Variants in NTM observed in about 807,000 individuals in gnomAD.
NTM encodes IgLON family member 2.
A neutral mutation model predicts 42.1 loss-of-function variants in NTM; 13 were observed. That is an observed-to-expected ratio of 0.31 (90% CI 0.20 to 0.49). The LOEUF is 0.49. NTM is among the 20% of genes least tolerant of loss of function. The pLI, the probability that NTM is intolerant of heterozygous loss-of-function variation, is 0.99. For synonymous variants in NTM, 187 were observed against 179.2 expected (o/e 1.04, Z -0.35); for missense variants, 373 against 452.8 (o/e 0.82, Z 1.60).
At chr11:131,853,997 A>C (rs1451853851) in intron 1 of NTM, among the ~76,000 whole-genome samples, 1 of 152,254 alleles carries the variant, frequency 6.6e-6, no homozygotes, top group South Asian at 2.1e-4. Context: ...AATACAGATT[A>C]TACATTAGAA....
At chr11:131,377,509 A>G (rs1347755943) in intron 1 of NTM, among the ~76,000 whole-genome samples, 1 of 152,214 alleles carries the variant, frequency 6.6e-6, no homozygotes, top group Non-Finnish European at 1.5e-5. Context: ...GACCTGTGGG[A>G]GGGATTCAGA....
chr11:131,401,831 T>TATATATATATATATATACAC (rs1945237999), intron 1 of NTM, among the ~76,000 whole-genome samples: 2 of 94,034 alleles, frequency 2.1e-5, no homozygotes, highest in Non-Finnish European at 4.4e-5. Flanking sequence ...TATATATATA[T>TATATATATATATATATACAC]ATATATATAT....
At chr11:131,400,772 T>A (rs1286956638) in intron 1 of NTM, among the ~76,000 whole-genome samples, 1 of 152,212 alleles carries the variant, frequency 6.6e-6, no homozygotes, top group Non-Finnish European at 1.5e-5. Context: ...TATGCTTATG[T>A]GGACAATGTA....
intron 1 of NTM, among the ~76,000 whole-genome samples, chr11:131,438,448 A>G (rs556203767): frequency 6.6e-6 from 1 of 152,304 alleles, no homozygotes; most frequent in East Asian, 1.9e-4. Flanking sequence ...CTTTTCACAT[A>G]GTCCCATATT....
At chr11:131,635,155 T>C (rs1260191341) in intron 1 of NTM, among the ~76,000 whole-genome samples, 1 of 152,220 alleles carries the variant, frequency 6.6e-6, no homozygotes, top group African/African-American at 2.4e-5. Flanking sequence ...TGTAAACATT[T>C]CTCCCTAGAG....
At chr11:132,028,469 T>C (rs1449027909) in intron 2 of NTM, among the ~76,000 whole-genome samples, 1 of 152,176 alleles carries the variant, frequency 6.6e-6, no homozygotes, top group Admixed American at 6.5e-5. Context: ...TCCCTAGAAA[T>C]TTATTTTCAA....
chr11:131,925,573 A>G (rs1402243235), intron 2 of NTM, among the ~76,000 whole-genome samples: 1 of 151,670 alleles, frequency 6.6e-6, no homozygotes, highest in Non-Finnish European at 1.5e-5. Context: ...TTTTTGAGAG[A>G]CAGGGTTTCA....
chr11:132,222,440 G>A (rs1484032248), intron 4 of NTM, among the ~76,000 whole-genome samples: 2 of 152,174 alleles, frequency 1.3e-5, no homozygotes, highest in Non-Finnish European at 2.9e-5. Context: ...AGACTCCAGG[G>A]TATGTGTGTC....
At chr11:132,001,526 C>A (rs567172858) in intron 2 of NTM, among the ~76,000 whole-genome samples, 21 of 152,020 alleles carry the variant, frequency 1.4e-4, no homozygotes, top group Non-Finnish European at 2.8e-4. Context: ...AGCTTTCAAC[C>A]ATGGCAAAAG....
chr11:132,293,985 G>C (rs997366890), intron 4 of NTM, among the ~76,000 whole-genome samples: 15 of 152,142 alleles, frequency 9.9e-5, no homozygotes, highest in Admixed American at 6.5e-5. Flanking sequence ...AAGTCTCCTG[G>C]AGACGAGTGG....
At chr11:132,088,670 A>C (rs1339334587) in intron 2 of NTM, among the ~76,000 whole-genome samples, 1 of 152,150 alleles carries the variant, frequency 6.6e-6, no homozygotes, top group Non-Finnish European at 1.5e-5. Flanking sequence ...CCTTGGTCTG[A>C]GCCAGTCCAC....
intron 1 of NTM, among the ~76,000 whole-genome samples, chr11:131,371,511 G>T (rs1478885427): frequency 1.3e-5 from 2 of 152,018 alleles, no homozygotes; most frequent in Non-Finnish European, 2.9e-5. Context: ...GGGAGCCGGG[G>T]CTCTGAAATT....
chr11:131,801,990 T>G (rs1028582890), intron 1 of NTM, among the ~76,000 whole-genome samples: 1 of 147,688 alleles, frequency 6.8e-6, no homozygotes, highest in African/African-American at 2.5e-5. Context: ...TAGAGGGTAT[T>G]TCAGGGAGAC....
At chr11:132,140,190 T>G (rs960697560) in intron 2 of NTM, among the ~76,000 whole-genome samples, 3 of 152,214 alleles carry the variant, frequency 2.0e-5, no homozygotes, top group African/African-American at 7.2e-5. Flanking sequence ...GGGACATTCC[T>G]TGTAGCAGTC....
intron 1 of NTM, among the ~76,000 whole-genome samples, chr11:131,568,496 C>T (rs1287989234): frequency 6.6e-6 from 1 of 152,190 alleles, no homozygotes; most frequent in Non-Finnish European, 1.5e-5. Context: ...CTCCTAGTCT[C>T]ATATGACGTC....
intron 1 of NTM, among the ~76,000 whole-genome samples, chr11:131,603,708 T>G (rs2060681383): frequency 6.6e-6 from 1 of 152,238 alleles, no homozygotes; most frequent in African/African-American, 2.4e-5. Flanking sequence ...CACTCAGCAC[T>G]GGGCAACCGT....
At chr11:131,751,772 C>G (rs902761113) in intron 1 of NTM, among the ~76,000 whole-genome samples, 4 of 147,596 alleles carry the variant, frequency 2.7e-5, no homozygotes, top group South Asian at 4.4e-4. Context: ...CTCACCCCCC[C>G]CCAAAATATA....
In NTM at chr11:131,505,095, G is replaced by C. The variant is rs186262843; in HGVS notation, c.82+134207G>C. Among the ~76,000 whole-genome samples the C allele has an allele frequency of 5.4e-5, 7 of 130,128 alleles. No homozygotes were observed. In the East Asian group the frequency reaches 1.4e-3, roughly 26 times the overall value. 85.4% of individuals were successfully genotyped at this position (130,128 alleles called of 152,430 possible). On this transcript the variant is annotated intron_variant, in intron 1 of 8. Coordinates refer to ENST00000683400, the MANE Select transcript of NTM (RefSeq NM_001352005.2). ...AAACCTACCTTCTACTTGACCATTG[G>C]GAAGTCACGAATCTCTGAGTCATTC...
At chr11:132,045,619 G>A (rs1419221680) in intron 2 of NTM, among the ~76,000 whole-genome samples, 1 of 152,174 alleles carries the variant, frequency 6.6e-6, no homozygotes, top group Non-Finnish European at 1.5e-5. Context: ...AATCCAACCA[G>A]AAAGGTACGG....
Sources: allele counts gnomAD v4.1 joint callset (sites outside exome capture counted in the v4.1 genomes callset), GRCh38; gene constraint gnomAD v4.1.1; transcripts MANE v1.5; gene names NCBI Gene and HGNC (gene_info 2026-07-23, HGNC 2026-07-21).